The following CEP152 variants were observed in gnomAD, a reference collection of about 807,000 sequenced individuals.
CEP152 encodes centrosomal protein of 152 kDa.
A neutral mutation model predicts 188.9 loss-of-function variants in CEP152; 132 were observed. The observed-to-expected ratio is 0.70, with a 90% CI of 0.61 to 0.81. The LOEUF (loss-of-function observed/expected upper bound fraction) is 0.81, where lower values mean the gene tolerates loss of function less well. Ranked by LOEUF, CEP152 falls within the 30% of genes least tolerant of loss-of-function variation. CEP152 has a pLI of 0.00. For synonymous variants in CEP152, 649 were observed against 666.6 expected (o/e 0.97, Z 0.41); for missense variants, 1,914 against 1,969.8 (o/e 0.97, Z 0.54).
At chr15:48,745,044 T>C (rs2140588208) in intron 22 of CEP152, 52 bp from the exon 23 acceptor site, 2 of 1,305,924 alleles carry the variant, frequency 1.5e-6, no homozygotes, top group Non-Finnish European at 2.1e-6. Context: ...TTTTAAGCCT[T>C]CTTTTCCCTT....
chr15:48,755,714 G>T (rs1045135858), intron 20 of CEP152, among the ~76,000 whole-genome samples, 189 bp downstream of exon 20: 1 of 152,116 alleles, frequency 6.6e-6, no homozygotes, highest in East Asian at 1.9e-4. Flanking sequence ...ACACTATGAA[G>T]TAGTAAAGTT....
chr15:48,743,850 G>A (rs1192844405), intron 24 of CEP152, among the ~76,000 whole-genome samples: 6 of 151,800 alleles, frequency 4.0e-5, no homozygotes, highest in Non-Finnish European at 7.4e-5. Context: ...TTGACAGAGT[G>A]AGATTCCGTC....
chr15:48,769,662 C>A (rs1352605292), intron 13 of CEP152, among the ~76,000 whole-genome samples: 1 of 152,142 alleles, frequency 6.6e-6, no homozygotes. Context: ...TGATAAGTAT[C>A]TTATAGGATA....
At position 48,762,543 on chromosome 15, in the gene CEP152, T is replaced by C; in HGVS notation, c.2410A>G (p.Ile804Val). The C allele has an allele frequency of 1.2e-6, 2 of 1,614,102 alleles. No homozygotes were observed. The highest frequency in any genetic ancestry group is 1.7e-6 in the Non-Finnish European group (2 of 1,179,994). The change falls in exon 18 of 27, where the codon ATT (isoleucine) becomes GTT (valine). Residue 804 changes from isoleucine (I) to valine (V), a missense_variant. Ile to Val is a conservative substitution (Grantham distance 29). Coordinates refer to ENST00000380950, the MANE Select transcript of CEP152 (RefSeq NM_001194998.2). ...ATAATTGCCATCTCTTTCTTGGAAA[T>C]AACATCACTGGTGGTTACTTGGTCA... Reference protein sequence around the residue: ...QTDQVTTSDVISKKEMAIMIE... With the variant: ...QTDQVTTSDVVSKKEMAIMIE...
intron 9 of CEP152, among the ~76,000 whole-genome samples, chr15:48,787,429 CCGAAGTGCTGG>C (rs1363007233): frequency 6.6e-6 from 1 of 151,940 alleles, no homozygotes; most frequent in Non-Finnish European, 1.5e-5. Flanking sequence ...CCTCAACCTC[CCGAAGTGCTGG>C]GATTACAGGC....
Position 48,797,537 on chromosome 15 carries a change from C to T in CEP152, c.304G>A (p.Gly102Ser). ...IQSLYAGEKC[G>S]NVWEENRSKT... is the part of the protein sequence containing the mutation. Reference sequence around the variant, plus strand: ...CTTCTATTTTCTTCCCAGACATTACCACATTTTTCTCCAGCATATAAACTC... The same window carrying T: ...CTTCTATTTTCTTCCCAGACATTACTACATTTTTCTCCAGCATATAAACTC... The change falls in exon 5 of 27, where the codon GGT (glycine) becomes AGT (serine). Residue 102 changes from glycine (G) to serine (S), a missense_variant. Coordinates refer to ENST00000380950, the MANE Select transcript of CEP152 (RefSeq NM_001194998.2). The T allele has an allele frequency of 1.9e-6, 3 of 1,614,074 alleles. No homozygotes were observed. The highest frequency in any genetic ancestry group is 2.5e-6 in the Non-Finnish European group (3 of 1,180,004).
At chr15:48,785,344 G>A (rs1193309912) in intron 9 of CEP152, among the ~76,000 whole-genome samples, 4 of 152,158 alleles carry the variant, frequency 2.6e-5, no homozygotes, top group African/African-American at 9.7e-5. Flanking sequence ...GCAAAATGAA[G>A]CTTCTGGAAA....
rs561086005 is a variant in CEP152 at position 48,760,023 on chromosome 15, A to G, written c.2694+112T>C. ...TTGAGCTATTGCTTAACATGTATCA[A>G]CATGTTTATCCTTCAACAATTCTAT... On this transcript the variant is annotated intron_variant, in intron 19 of 26. Coordinates refer to ENST00000380950, the MANE Select transcript of CEP152 (RefSeq NM_001194998.2). 69 of 1,400,364 alleles carry G rather than the reference A, an allele frequency of 4.9e-5. 2 individuals carry two copies. In the South Asian group the frequency reaches 5.7e-4, roughly 12 times the overall value. The allele number at this position is 1,400,364 out of a possible 1,614,324, so 86.7% of individuals were successfully genotyped here.
At position 48,738,856 on chromosome 15, in the gene CEP152, C is replaced by A; in HGVS notation, c.4526G>T (p.Arg1509Ile). Residue 1509 changes from arginine (R) to isoleucine (I), a missense_variant, in exon 27 of 27, where the codon AGA (arginine) becomes ATA (isoleucine). Arg to Ile is a moderately conservative substitution (Grantham distance 97). Coordinates refer to ENST00000380950, the MANE Select transcript of CEP152 (RefSeq NM_001194998.2). ...TGATTCAGAAGGACCAGGGGTACATCTAGGTGAGGGTTTATTTCCTAAGGT... is the reference window on the plus strand; with the variant it reads ...TGATTCAGAAGGACCAGGGGTACATATAGGTGAGGGTTTATTTCCTAAGGT... ...LGTLGNKPSP[R>I]CTPGPSESGC... 1.9e-6 allele frequency: 3 copies of A among 1,614,188 alleles called. No individual in the cohort carries two copies. The South Asian group carries it at 3.3e-5, about 18-fold the overall frequency.
chr15:48,770,249 T>A (rs1595647046), intron 13 of CEP152, among the ~76,000 whole-genome samples: 1 of 151,720 alleles, frequency 6.6e-6, no homozygotes, highest in Non-Finnish European at 1.5e-5. Flanking sequence ...GAGGTGGAGG[T>A]GGGCAGATCA....
rs1340289334 is a variant in CEP152, at chr15:48,797,730, T to G, written c.192A>C (p.Gln64His). The change falls in exon 4 of 27, where the codon CAA becomes CAC. Residue 64 changes from glutamine to histidine, a missense_variant and splice_region_variant. By Grantham distance (24) the Gln-to-His change is conservative (BLOSUM62 0). Coordinates refer to ENST00000380950, the MANE Select transcript of CEP152 (RefSeq NM_001194998.2). The stretch of plus-strand genomic sequence containing the variant: ...TCTCCAATTGCTCAGGATGATGTGG[T>G]CTCGAGAAAAAGGAATACTTTCGAT... The part of the protein sequence containing the change: ...SDCSEDGTDG[Q>H]PHHPEQLEMS... 3.1e-6 allele frequency: 5 copies of G among 1,614,050 alleles called. No individual in the cohort carries two copies. Among genetic ancestry groups the G allele is most frequent in the Non-Finnish European group, 4.2e-6 (5 of 1,179,962 alleles).
chr15:48,778,558 T>A (rs767075948), intron 12 of CEP152, among the ~76,000 whole-genome samples: 5 of 152,216 alleles, frequency 3.3e-5, no homozygotes, highest in Non-Finnish European at 7.3e-5. Flanking sequence ...CACACTGTGC[T>A]TTATTCTTCA....
chr15:48,763,108 C>T (rs1214582892), intron 17 of CEP152, among the ~76,000 whole-genome samples: 1 of 152,140 alleles, frequency 6.6e-6, no homozygotes, highest in African/African-American at 2.4e-5. Context: ...GTTTTACTCA[C>T]TTGAACACAT....
At chr15:48,760,367 A>G (rs1295587964) in intron 18 of CEP152, 101 bp from the exon 19 acceptor site, 27 of 1,365,834 alleles carry the variant, frequency 2.0e-5, no homozygotes, top group Non-Finnish European at 2.6e-5. Context: ...TATACTGTAT[A>G]TCACTACATA....
downstream of CEP152, among the ~76,000 whole-genome samples, chr15:48,733,235 ACTG>A (rs1344662531): frequency 1.8e-4 from 27 of 152,172 alleles, no homozygotes; most frequent in Admixed American, 7.9e-4. Context: ...AGAAGGGGTG[ACTG>A]TTTGGGGTGA....
At chr15:48,730,625 A>G (rs1342715031) in intron 2 of CEP152, among the ~76,000 whole-genome samples, 1 of 152,222 alleles carries the variant, frequency 6.6e-6, no homozygotes, top group East Asian at 1.9e-4. Flanking sequence ...ATGCACAGAC[A>G]CATCAGCATA....
Position 48,768,259 on chromosome 15 carries a change from C to A in CEP152, c.1978G>T (p.Val660Leu). The change falls in exon 15 of 27, where the codon GTA (valine) becomes TTA (leucine). Residue 660 changes from valine to leucine, a missense_variant. Coordinates refer to ENST00000380950, the MANE Select transcript of CEP152 (RefSeq NM_001194998.2). ...QDLCNQMRQM[V>L]QDFDHDKQEA... ...TGTTTGTCATGGTCAAAATCTTGTA[C>A]CATTTGTCTCATTTGATTACATAAG... 1 of 1,612,590 alleles carries A rather than the reference C, an allele frequency of 6.2e-7. No individual in the cohort carries two copies. Among genetic ancestry groups the A allele is most frequent in the Non-Finnish European group, 8.5e-7 (1 of 1,178,646 alleles).
intron 7 of CEP152, among the ~76,000 whole-genome samples, chr15:48,791,584 C>T (rs1896991677): frequency 1.3e-5 from 2 of 152,072 alleles, no homozygotes; most frequent in African/African-American, 4.8e-5. Flanking sequence ...CGTCTCACTC[C>T]GTCGCCCAGG....
chr15:48,765,398 G>A (rs1185729350), intron 17 of CEP152, among the ~76,000 whole-genome samples: 2 of 151,688 alleles, frequency 1.3e-5, no homozygotes, highest in African/African-American at 2.4e-5. Flanking sequence ...TGGGATACAC[G>A]TGAAAAATTT....
Sources: gnomAD v4.1 joint callset for allele counts (sites outside exome capture counted in the v4.1 genomes callset) on GRCh38, gnomAD v4.1.1 for gene constraint, MANE v1.5 for transcripts, NCBI Gene and HGNC (gene_info 2026-07-23, HGNC 2026-07-21) for gene names.